The following TVP23C variants were observed in gnomAD, a reference collection of about 807,000 sequenced individuals.
TVP23C encodes Golgi apparatus membrane protein TVP23 homolog C.
TVP23C carries 19 observed loss-of-function variants against 28.7 expected under a neutral mutation model. The ratio of observed to expected loss-of-function variants is 0.66; its 90% CI spans 0.46 to 0.97. The LOEUF is 0.97. Ranked by LOEUF, TVP23C falls within the 50% of genes least tolerant of loss-of-function variation. TVP23C has a pLI of 0.00. For synonymous variants in TVP23C, 68 were observed against 81.7 expected, an observed-to-expected ratio of 0.83 and a Z score of 0.90; for missense variants, 186 against 241.3, an observed-to-expected ratio of 0.77 and a Z score of 1.52.
At chr17:15,554,489 G>A (rs1034874680) in intron 2 of TVP23C, among the ~76,000 whole-genome samples, 3 of 152,136 alleles carry the variant, frequency 2.0e-5, no homozygotes, top group East Asian at 1.9e-4. Context: ...CACCTGCCTC[G>A]GCCTCCCAAA....
chr17:15,528,529 C>T (rs926859566), intron 5 of TVP23C, among the ~76,000 whole-genome samples: 9 of 152,126 alleles, frequency 5.9e-5, no homozygotes, highest in Admixed American at 2.0e-4. Flanking sequence ...TATAGTCTAT[C>T]GTGGAGAATG....
chr17:15,531,539 A>G (rs949739761), intron 5 of TVP23C, among the ~76,000 whole-genome samples: 1 of 152,014 alleles, frequency 6.6e-6, no homozygotes, highest in African/African-American at 2.4e-5. Flanking sequence ...CTATTTTCAA[A>G]TTTGCTGATT....
At chr17:15,514,865 G>T (rs1164710555) in intron 5 of TVP23C, among the ~76,000 whole-genome samples, 5 of 152,162 alleles carry the variant, frequency 3.3e-5, no homozygotes, top group African/African-American at 1.2e-4. Flanking sequence ...TCCAACCTGA[G>T]CCCCTTCTCT....
At chr17:15,534,834 G>A (rs1283573509), downstream of TVP23C, among the ~76,000 whole-genome samples, 1 of 151,778 alleles carries the variant, frequency 6.6e-6, no homozygotes, top group African/African-American at 2.4e-5. Context: ...CGGGCGTGGT[G>A]GTGGGCACCT....
At chr17:15,508,508 A>G (rs1381903770) in intron 5 of TVP23C, among the ~76,000 whole-genome samples, 1 of 152,036 alleles carries the variant, frequency 6.6e-6, no homozygotes, top group East Asian at 1.9e-4. Context: ...GGCCAAGAGC[A>G]CCCCTCCTGT....
chr17:15,549,922 A>T (rs561936995), intron 3 of TVP23C, among the ~76,000 whole-genome samples: 3 of 144,880 alleles, frequency 2.1e-5, no homozygotes. Context: ...GATGCTAAGT[A>T]AAAAAAAAAA....
At position 15,560,461 on chromosome 17, in the gene TVP23C, G is replaced by A. The variant is rs1984329496; in HGVS notation, c.12+2976C>T. ...GAGAGACTGACTAGAATGAATACAA[G>A]AGAGACTGGAAGAATTAAAAGACAA... On this transcript the variant is annotated intron_variant, in intron 1 of 5. Coordinates refer to ENST00000518321, the MANE Select transcript of TVP23C (RefSeq NM_001135036.2). Among the ~76,000 whole-genome samples the A allele has an allele frequency of 1.3e-5, 2 of 149,760 alleles. 1 individual carries two copies. The highest frequency in any genetic ancestry group is 1.3e-4 in the Admixed American group (2 of 14,852).
intron 3 of TVP23C, among the ~76,000 whole-genome samples, chr17:15,547,729 A>G (rs2150854400): frequency 6.6e-6 from 1 of 152,332 alleles, no homozygotes; most frequent in Middle Eastern, 3.4e-3. Context: ...GAAGAGAGGC[A>G]GACAACCAAT....
At chr17:15,510,079 G>A (rs1171366866) in intron 5 of TVP23C, among the ~76,000 whole-genome samples, 1 of 152,192 alleles carries the variant, frequency 6.6e-6, no homozygotes, top group Non-Finnish European at 1.5e-5. Flanking sequence ...TAGAATGAAT[G>A]ACATGTGGTG....
intron 5 of TVP23C, among the ~76,000 whole-genome samples, chr17:15,541,882 C>G (rs1027314499): frequency 6.6e-6 from 1 of 152,122 alleles, no homozygotes; most frequent in Non-Finnish European, 1.5e-5. Flanking sequence ...CAGGGTACAC[C>G]TGAATTCAAA....
chr17:15,502,799 T>TCC (rs1410192497), exon 6 of TVP23C: 1 of 1,461,164 alleles, frequency 6.8e-7, no homozygotes, highest in Non-Finnish European at 9.1e-7. Flanking sequence ...CTCTCCTCTC[T>TCC]CCTCTCTCTC....
At chr17:15,559,336 A>G (rs1192284031) in intron 1 of TVP23C, among the ~76,000 whole-genome samples, 1 of 143,042 alleles carries the variant, frequency 7.0e-6, no homozygotes, top group Non-Finnish European at 1.6e-5. Context: ...AAAAAAAAAA[A>G]GACAAATAGC....
chr17:15,518,117 G>A (rs746233948), intron 5 of TVP23C, among the ~76,000 whole-genome samples: 16 of 143,006 alleles, frequency 1.1e-4, no homozygotes, highest in South Asian at 2.2e-4. Flanking sequence ...GCAGTCAGCC[G>A]AGATCACATC....
In TVP23C at chr17:15,538,395, C is replaced by T; in HGVS notation, c.*2017G>A. The T allele has an allele frequency of 1.2e-6, 1 of 826,422 alleles. No individual in the cohort carries two copies. Among genetic ancestry groups the T allele is most frequent in the South Asian group, 5.5e-5 (1 of 18,110 alleles). The allele number at this position is 826,422 out of a possible 1,614,324, so 51.2% of individuals were successfully genotyped here. A position where few individuals can be genotyped will look rare whatever the true frequency, so the allele number is the denominator to read the frequency against. On this transcript the variant is annotated 3_prime_UTR_variant, in exon 6 of 6. Coordinates refer to ENST00000518321, the MANE Select transcript of TVP23C (RefSeq NM_001135036.2). Reference sequence around the variant, plus strand: ...CATGAGGTCAGGAGATCGAGACCCTCCTGGCTAACACAGTGAAACCCCGTC... The same window carrying T: ...CATGAGGTCAGGAGATCGAGACCCTTCTGGCTAACACAGTGAAACCCCGTC...
intron 5 of TVP23C, among the ~76,000 whole-genome samples, chr17:15,524,994 A>C (rs1331346430): frequency 6.6e-6 from 1 of 152,188 alleles, no homozygotes; most frequent in Non-Finnish European, 1.5e-5. Context: ...AAAACTACCC[A>C]GTTGGCCAAG....
chr17:15,529,342 A>C (rs1963314), intron 5 of TVP23C, among the ~76,000 whole-genome samples: 12 of 151,888 alleles, frequency 7.9e-5, no homozygotes, highest in African/African-American at 1.2e-4. Flanking sequence ...ATCCCAGCTA[A>C]TCGGGAGGCT....
At chr17:15,529,657 A>G (rs1221209181) in intron 5 of TVP23C, among the ~76,000 whole-genome samples, 1 of 152,158 alleles carries the variant, frequency 6.6e-6, no homozygotes, top group Non-Finnish European at 1.5e-5. Context: ...TGACATTAGC[A>G]TAGTCACTCC....
chr17:15,502,738 CT>C (rs745786430), exon 6 of TVP23C: 26 of 995,954 alleles, frequency 2.6e-5, no homozygotes, highest in Non-Finnish European at 3.3e-5. Context: ...CTCTTTCTCT[CT>C]CCTCTCTCCC....
intron 1 of TVP23C, among the ~76,000 whole-genome samples, chr17:15,559,313 TAAAAAAA>T (rs56346847): frequency 6.7e-5 from 7 of 105,164 alleles, no homozygotes; most frequent in African/African-American, 2.0e-4. Flanking sequence ...GGTACAGATT[TAAAAAAA>T]AAAAAAAAAA....
Sources: allele counts gnomAD v4.1 joint callset (sites outside exome capture counted in the v4.1 genomes callset), GRCh38; gene constraint gnomAD v4.1.1; transcripts MANE v1.5; gene names NCBI Gene and HGNC (gene_info 2026-07-23, HGNC 2026-07-21).